HAVCR2: variants seen among roughly 807,000 people sequenced by gnomAD.
HAVCR2 encodes T cell immunoglobulin mucin 3.
In HAVCR2, 13 loss-of-function variants were observed where a neutral mutation model predicts 24.7. That is an observed-to-expected ratio of 0.53 (90% CI 0.34 to 0.84). HAVCR2 has a LOEUF of 0.84. Ranked by LOEUF, HAVCR2 falls within the 40% of genes least tolerant of loss-of-function variation. The pLI, the probability that HAVCR2 is intolerant of heterozygous loss-of-function variation, is 0.01. For missense variants in HAVCR2, 343 were observed against 371.2 expected (o/e 0.92, Z 0.62); for synonymous variants, 154 against 143.4 (o/e 1.07, Z -0.53).
chr5:157,087,118 C>T lies in HAVCR2; in HGVS notation c.890G>A (p.Arg297His), dbSNP rs138139756. 223 of 1,612,756 alleles carry T rather than the reference C, an allele frequency of 1.4e-4. No individual in the cohort carries two copies. The highest frequency in any genetic ancestry group is 1.3e-3 in the African/African-American group (101 of 74,966). ...RQQPSQPLGC[R>H]FAMP ...TGGTTGGATCTATGGCATTGCAAAG[C>T]GACAACCCAAAGGTTGTGAGGGTTG... The change falls in exon 7 of 7, where the codon CGC (arginine) becomes CAC (histidine). Residue 297 changes from arginine to histidine, a missense_variant. Physicochemically the swap from Arg to His is conservative, Grantham distance 29 (BLOSUM62 0). Coordinates refer to ENST00000307851, the MANE Select transcript of HAVCR2 (RefSeq NM_032782.5).
intron 3 of HAVCR2, 31 bp downstream of exon 3, chr5:157,104,635 A>T (rs1757219605): frequency 6.8e-7 from 1 of 1,480,970 alleles, no homozygotes; most frequent in African/African-American, 1.4e-5. Context: ...AGCCAGCTAA[A>T]GATTCCCTCC....
chr5:157,092,148 A>G (rs1295760378), intron 5 of HAVCR2, among the ~76,000 whole-genome samples: 3 of 148,912 alleles, frequency 2.0e-5, no homozygotes, highest in Non-Finnish European at 4.5e-5. Flanking sequence ...TTATATATAT[A>G]TATATATATA....
At position 157,098,909 on chromosome 5, in the gene HAVCR2, A is replaced by AAGAGAGAG; in HGVS notation, c.479-16_479-9dup. ...CCAGTGTCTGTGTCTCTGCTATAAA[A>AAGAGAGAG]AGAGAGAGAGAGAGAGAGAGAGGAA... On this transcript the variant is annotated splice_polypyrimidine_tract_variant and intron_variant, in intron 3 of 6. Coordinates refer to ENST00000307851, the MANE Select transcript of HAVCR2 (RefSeq NM_032782.5). The AAGAGAGAG allele has an allele frequency of 2.6e-6, 4 of 1,566,732 alleles. No homozygotes were observed. Among genetic ancestry groups the AAGAGAGAG allele is most frequent in the Non-Finnish European group, 3.5e-6 (4 of 1,148,420 alleles).
chr5:157,105,065 A>ATT, intron 2 of HAVCR2: 6 of 153,716 alleles, frequency 3.9e-5, no homozygotes, highest in Non-Finnish European at 8.4e-5. Flanking sequence ...TAGATTTTGA[A>ATT]TTTTTTTTTT....
At chr5:157,103,374 TAAAA>T (rs10600273) in intron 3 of HAVCR2, among the ~76,000 whole-genome samples, 320 of 147,262 alleles carry the variant, frequency 2.2e-3, no homozygotes, top group Admixed American at 2.3e-3. Context: ...CCGTCTCAAT[TAAAA>T]AAAAAAAAAA....
intron 3 of HAVCR2, among the ~76,000 whole-genome samples, chr5:157,103,954 G>T (rs78173940): frequency 6.6e-6 from 1 of 152,038 alleles, no homozygotes. Context: ...AAACGTTTTA[G>T]ACATTTTCTT....
intron 3 of HAVCR2, among the ~76,000 whole-genome samples, chr5:157,102,100 C>T (rs1757176042): frequency 6.6e-6 from 1 of 151,946 alleles, no homozygotes; most frequent in Admixed American, 6.6e-5. Context: ...CCATGACCAG[C>T]TAATTTTTGT....
chr5:157,108,828 G>C, intron 1 of HAVCR2, 98 bp downstream of exon 1: 2 of 1,132,522 alleles, frequency 1.8e-6, no homozygotes, highest in Non-Finnish European at 2.5e-6. Context: ...CCAAGCTTTT[G>C]CTATTACAAA....
Position 157,103,480 on chromosome 5 carries a change from A to G in HAVCR2, c.478+1186T>C, listed in dbSNP as rs563236683. Among the ~76,000 whole-genome samples the G allele has an allele frequency of 1.1e-4, 16 of 152,300 alleles. No homozygotes were observed. In the South Asian group the frequency reaches 2.9e-3, roughly 28 times the overall value. On this transcript the variant is annotated intron_variant, in intron 3 of 6. Transcript: ENST00000307851. Reference sequence around the variant, plus strand: ...TTGTAAGATTCTTTAAAATATAACAATGGCATACAATAAGTATCTGGTATA... The same window carrying G: ...TTGTAAGATTCTTTAAAATATAACAGTGGCATACAATAAGTATCTGGTATA...
intron 5 of HAVCR2, among the ~76,000 whole-genome samples, chr5:157,089,741 G>A (rs1381767085): frequency 1.3e-5 from 2 of 152,150 alleles, no homozygotes; most frequent in African/African-American, 4.8e-5. Context: ...ATTCCAGGAT[G>A]AGGGAGCCCC....
chr5:157,100,268 G>T (rs2113691609), intron 3 of HAVCR2, among the ~76,000 whole-genome samples: 1 of 152,308 alleles, frequency 6.6e-6, no homozygotes, highest in East Asian at 1.9e-4. Flanking sequence ...ACATGACTTA[G>T]CAAATGACAA....
intron 5 of HAVCR2, among the ~76,000 whole-genome samples, chr5:157,092,934 G>A (rs1757029746): frequency 1.5e-5 from 2 of 130,776 alleles, no homozygotes; most frequent in Admixed American, 1.7e-4. Flanking sequence ...CAGGTGTGGT[G>A]GCATATGCCT....
intron 4 of HAVCR2, among the ~76,000 whole-genome samples, chr5:157,096,927 AACACACAC>A (rs34799337): frequency 1.5e-4 from 22 of 142,952 alleles, no homozygotes; most frequent in East Asian, 6.2e-4. Flanking sequence ...ATTTATACAA[AACACACAC>A]ACACACACAC....
intron 6 of HAVCR2, 64 bp downstream of exon 6, chr5:157,088,877 G>T: frequency 7.4e-7 from 1 of 1,353,852 alleles, no homozygotes; most frequent in South Asian, 1.2e-5. Flanking sequence ...GAAAAGATCA[G>T]ACATGTTAGA....
At chr5:157,092,913 A>AAAAAAAAAATAAAT (rs1561619880) in intron 5 of HAVCR2, among the ~76,000 whole-genome samples, 2 of 122,972 alleles carry the variant, frequency 1.6e-5, no homozygotes, top group African/African-American at 6.2e-5. Context: ...AAAAAAAAAA[A>AAAAAAAAAATAAAT]AAAAACTAGC....
chr5:157,099,004 T>C, intron 3 of HAVCR2, 103 bp from the exon 4 acceptor site: 4 of 991,338 alleles, frequency 4.0e-6, no homozygotes, highest in East Asian at 5.3e-5. Flanking sequence ...ATGATGCCTA[T>C]AATCCTATTT....
At chr5:157,104,899 T>G (rs150184669) in intron 2 of HAVCR2, 150 bp from the exon 3 acceptor site, 81 of 550,736 alleles carry the variant, frequency 1.5e-4, no homozygotes, top group Non-Finnish European at 2.4e-4. Context: ...ATACCTACGT[T>G]GAGAGTGTAT....
chr5:157,106,790 A>G lies in HAVCR2; in HGVS notation c.231T>C (p.Tyr77=), dbSNP rs1482390583. 2 of 1,614,186 alleles carry G rather than the reference A, an allele frequency of 1.2e-6. No individual in the cohort carries two copies. Among genetic ancestry groups the G allele is most frequent in the Admixed American group, 1.7e-5 (1 of 60,018 alleles). The change falls in exon 2 of 7, where the codon TAT becomes TAC. Residue 77 remains tyrosine, a synonymous_variant. Transcript: ENST00000307851. ...CATTTAGCCAGTATCTGGATGTCCA[A>G]TAATTCACATCCCTTTCATCAGTCC... ...VLRTDERDVN[Y]WTSRYWLNGD... is the part of the protein sequence containing the mutation.
In HAVCR2 at chr5:157,098,870, A is replaced by G. The variant is rs1757130329; in HGVS notation, c.510T>C (p.Asp170=). 1 of 1,613,230 alleles carries G rather than the reference A, an allele frequency of 6.2e-7. No homozygotes were observed. Among genetic ancestry groups the G allele is most frequent in the South Asian group, 1.1e-5 (1 of 91,012 alleles). The change falls in exon 4 of 7, where the codon GAT becomes GAC. Residue 170 remains aspartate (D), a synonymous_variant. Coordinates refer to ENST00000307851, the MANE Select transcript of HAVCR2 (RefSeq NM_032782.5). ...AAAAGTTACTTACTGTTAGATTTAT[A>G]TCAGGGAGGCTCCCCAGTGTCTGTG... ...AETQTLGSLP[D]INLTQISTLA...
Sources: allele counts gnomAD v4.1 joint callset (sites outside exome capture counted in the v4.1 genomes callset), GRCh38; gene constraint gnomAD v4.1.1; transcripts MANE v1.5; gene names NCBI Gene and HGNC (gene_info 2026-07-23, HGNC 2026-07-21).